Variants in GPC6 observed in about 807,000 individuals in gnomAD.
GPC6 encodes the protein glypican-6.
A neutral mutation model predicts 55.2 loss-of-function variants in GPC6; 14 were observed. The observed-to-expected ratio is 0.25, with a 90% CI of 0.17 to 0.40. The LOEUF is 0.40. GPC6 is among the 10% of genes least tolerant of loss of function. The pLI, the probability that GPC6 is intolerant of heterozygous loss-of-function variation, is 1.00. For synonymous variants in GPC6, 278 were observed against 259.6 expected (o/e 1.07, Z -0.68); for missense variants, 641 against 708.5 (o/e 0.90, Z 1.08).
chr13:94,085,321 C>CAA (rs33967804), intron 4 of GPC6, among the ~76,000 whole-genome samples: 868 of 86,108 alleles, frequency 0.01, 16 homozygotes, highest in Middle Eastern at 0.019. Flanking sequence ...GATTCTGTCT[C>CAA]AAAAAAAAAA....
At chr13:93,431,752 G>A (rs1048245051) in intron 1 of GPC6, among the ~76,000 whole-genome samples, 4 of 152,144 alleles carry the variant, frequency 2.6e-5, no homozygotes, top group South Asian at 2.1e-4. Flanking sequence ...AATTTGGCAC[G>A]CAGAAAAAGA....
At chr13:93,273,494 T>C (rs1224403467) in intron 1 of GPC6, among the ~76,000 whole-genome samples, 1 of 152,008 alleles carries the variant, frequency 6.6e-6, no homozygotes, top group Non-Finnish European at 1.5e-5. Flanking sequence ...CCGTCTCTAC[T>C]AAAAATACAA....
In GPC6 at chr13:93,557,269, T is replaced by C. The variant is rs190568277; in HGVS notation, c.319+11848T>C. Among the ~76,000 whole-genome samples, 403 of 152,304 alleles carry C rather than the reference T, an allele frequency of 2.6e-3. 2 individuals are homozygous for C. The highest frequency in any genetic ancestry group is 0.02 in the Middle Eastern group (6 of 294). On this transcript the variant is annotated intron_variant, in intron 2 of 8. Transcript: ENST00000377047. ...TATAATATTCCCTCCACACATACTT[T>C]ATGATATTTTGTCAGTACAACTTCG...
intron 4 of GPC6, among the ~76,000 whole-genome samples, chr13:94,245,722 A>ATG (rs143696889): frequency 2.6e-4 from 39 of 151,206 alleles, no homozygotes; most frequent in African/African-American, 4.1e-4. Flanking sequence ...ATTTGTGTGT[A>ATG]TGTGTGTGTG....
the GPC6 span, among the ~76,000 whole-genome samples, chr13:93,221,723 A>T: frequency 2.0e-5 from 3 of 152,082 alleles, no homozygotes; most frequent in African/African-American, 7.2e-5. Context: ...CAACCTTCCC[A>T]TTATCCAGGC....
chr13:93,353,126 T>A (rs1395453612), intron 1 of GPC6, among the ~76,000 whole-genome samples: 4 of 152,084 alleles, frequency 2.6e-5, no homozygotes, highest in Non-Finnish European at 1.5e-5. Flanking sequence ...GAAGGATAAA[T>A]GGAGGTGCTT....
intron 1 of GPC6, among the ~76,000 whole-genome samples, chr13:93,378,670 G>A (rs1179152011): frequency 6.6e-6 from 1 of 152,086 alleles, no homozygotes; most frequent in African/African-American, 2.4e-5. Context: ...CCTTAGATAT[G>A]TCACTTCACC....
chr13:94,213,945 A>G (rs148540941), intron 4 of GPC6, among the ~76,000 whole-genome samples: 1 of 152,344 alleles, frequency 6.6e-6, no homozygotes, highest in East Asian at 1.9e-4. Context: ...TTTAAGAGTT[A>G]TATGGCAATA....
intron 1 of GPC6, among the ~76,000 whole-genome samples, chr13:93,414,448 C>A (rs2139249388): frequency 6.6e-6 from 1 of 152,212 alleles, no homozygotes; most frequent in Admixed American, 6.6e-5. Context: ...TGCAAAATTG[C>A]ACAAATTCAG....
chr13:93,870,265 G>A (rs151333595), intron 3 of GPC6, among the ~76,000 whole-genome samples: 1 of 151,778 alleles, frequency 6.6e-6, no homozygotes, highest in African/African-American at 2.4e-5. Context: ...TTAGCAAGTG[G>A]TGTGGCTCAT....
chr13:93,577,002 A>T (rs1407554043), intron 2 of GPC6, among the ~76,000 whole-genome samples: 2 of 152,066 alleles, frequency 1.3e-5, no homozygotes, highest in African/African-American at 4.8e-5. Context: ...CTACCCATAA[A>T]CTTTTGGTGC....
chr13:93,527,045 GT>G (rs544766253), intron 1 of GPC6, among the ~76,000 whole-genome samples: 62 of 149,216 alleles, frequency 4.2e-4, no homozygotes, highest in Non-Finnish European at 5.5e-4. Flanking sequence ...GATATTTTAA[GT>G]TTTTTTTTTA....
At chr13:94,111,032 A>G (rs911535548) in intron 4 of GPC6, among the ~76,000 whole-genome samples, 2 of 152,100 alleles carry the variant, frequency 1.3e-5, no homozygotes, top group African/African-American at 4.8e-5. Context: ...TACATTTTGA[A>G]CATTGCGCTA....
At chr13:93,917,540 GT>G (rs1443129498) in intron 3 of GPC6, among the ~76,000 whole-genome samples, 1 of 152,188 alleles carries the variant, frequency 6.6e-6, no homozygotes, top group Non-Finnish European at 1.5e-5. Context: ...ACAGTGCTGA[GT>G]TTAGTGAAGA....
intron 4 of GPC6, among the ~76,000 whole-genome samples, chr13:94,082,710 C>T (rs1885142663): frequency 6.6e-6 from 1 of 152,148 alleles, no homozygotes. Context: ...TGAATTATTT[C>T]CTAGCATCTT....
intron 1 of GPC6, among the ~76,000 whole-genome samples, chr13:93,434,672 C>G (rs1877498722): frequency 6.6e-6 from 1 of 152,076 alleles, no homozygotes; most frequent in Non-Finnish European, 1.5e-5. Flanking sequence ...CAGATTGAGG[C>G]TGTAGATAAC....
intron 1 of GPC6, among the ~76,000 whole-genome samples, chr13:93,416,337 C>T (rs1208983689): frequency 6.6e-6 from 1 of 152,030 alleles, no homozygotes; most frequent in East Asian, 1.9e-4. Context: ...TTTGTAAACA[C>T]TTATGTTGTC....
In GPC6 at chr13:94,200,679, G is replaced by A. The variant is rs577533766; in HGVS notation, c.878-85670G>A. On this transcript the variant is annotated intron_variant, in intron 4 of 8. Transcript: ENST00000377047. ...GGACATGATAGTTTGCATGGTTGGAGAAAAATTAACTCAATAGATGTTTGA... is the reference window on the plus strand; with the variant it reads ...GGACATGATAGTTTGCATGGTTGGAAAAAAATTAACTCAATAGATGTTTGA... Among the ~76,000 whole-genome samples the A allele has an allele frequency of 7.2e-5, 11 of 152,358 alleles. No homozygotes were observed. The South Asian group carries it at 2.3e-3, about 32-fold the overall frequency.
At position 94,018,171 on chromosome 13, in the gene GPC6, A is replaced by G. The variant is rs186770138; in HGVS notation, c.712-9558A>G. Among the ~76,000 whole-genome samples, 12 of 152,186 alleles carry G rather than the reference A, an allele frequency of 7.9e-5. No homozygotes were observed. The East Asian group carries it at 2.3e-3, about 29-fold the overall frequency. On this transcript the variant is annotated intron_variant, in intron 3 of 8. Coordinates refer to ENST00000377047, the MANE Select transcript of GPC6 (RefSeq NM_005708.5). Reference sequence around the variant, plus strand: ...TAAATTTCTTTTCTGCATAATTTAGATGATTGTGTGTGTTTTTCCTTTGTT... The same window carrying G: ...TAAATTTCTTTTCTGCATAATTTAGGTGATTGTGTGTGTTTTTCCTTTGTT...
Sources: allele counts gnomAD v4.1 joint callset (sites outside exome capture counted in the v4.1 genomes callset), GRCh38; gene constraint gnomAD v4.1.1; transcripts MANE v1.5; gene names NCBI Gene and HGNC (gene_info 2026-07-23, HGNC 2026-07-21).